FAF1: variants seen among roughly 807,000 people sequenced by gnomAD.
FAF1 encodes Fas associated factor 1, also known as FAS-associated factor 1.
FAF1 carries 25 observed loss-of-function variants against 92.5 expected under a neutral mutation model. That is an observed-to-expected ratio of 0.27 (90% CI 0.20 to 0.38). FAF1 has a LOEUF of 0.38. FAF1 is among the 10% of genes least tolerant of loss of function. The probability of loss-of-function intolerance (pLI) is 1.00; values close to 1 mark genes in which losing one functional copy is unlikely to be tolerated. For missense variants in FAF1, 636 were observed against 793.3 expected (o/e 0.80, Z 2.38); for synonymous variants, 234 against 273.2 (o/e 0.86, Z 1.42).
At chr1:50,580,790 C>T (rs1462131362) in intron 12 of FAF1, among the ~76,000 whole-genome samples, 5 of 151,944 alleles carry the variant, frequency 3.3e-5, no homozygotes, top group African/African-American at 1.2e-4. Context: ...TTTTTCCTTC[C>T]AAGAAAGAAT....
At chr1:50,495,209 T>C (rs1646884582) in intron 15 of FAF1, among the ~76,000 whole-genome samples, 1 of 152,150 alleles carries the variant, frequency 6.6e-6, no homozygotes, top group Non-Finnish European at 1.5e-5. Context: ...TGTTATTCAC[T>C]CTTTCCATAT....
chr1:50,886,997 A>C (rs186853753), intron 1 of FAF1, among the ~76,000 whole-genome samples: 168 of 152,328 alleles, frequency 1.1e-3, no homozygotes, highest in Non-Finnish European at 1.8e-3. Flanking sequence ...TCCCACCAAC[A>C]GTGTAAAAGT....
chr1:50,571,135 A>C (rs767890881), intron 12 of FAF1, among the ~76,000 whole-genome samples: 3 of 152,246 alleles, frequency 2.0e-5, no homozygotes, highest in Non-Finnish European at 2.9e-5. Context: ...GAATGTGCGG[A>C]GGCAAACGTT....
chr1:50,758,102 G>C (rs1660152869), intron 4 of FAF1, among the ~76,000 whole-genome samples: 2 of 152,168 alleles, frequency 1.3e-5, no homozygotes, highest in Non-Finnish European at 2.9e-5. Context: ...ATTTTTAGTA[G>C]AGACGATGTT....
At chr1:50,511,898 T>C (rs1422457165) in intron 15 of FAF1, among the ~76,000 whole-genome samples, 1 of 152,166 alleles carries the variant, frequency 6.6e-6, no homozygotes, top group Non-Finnish European at 1.5e-5. Context: ...ACATCCTCTG[T>C]AGTATCTATT....
At chr1:50,475,410 T>C (rs759547695) in intron 18 of FAF1, 54 bp downstream of exon 18, 16 of 1,400,054 alleles carry the variant, frequency 1.1e-5, no homozygotes, top group Admixed American at 1.1e-4. Flanking sequence ...TCAGCTTTAA[T>C]GATGGCACAT....
chr1:50,835,034 G>A (rs1162435491), intron 2 of FAF1, among the ~76,000 whole-genome samples: 1 of 152,186 alleles, frequency 6.6e-6, no homozygotes, highest in African/African-American at 2.4e-5. Flanking sequence ...AAGCAGTTAT[G>A]ACAGACTAAA....
intron 15 of FAF1, among the ~76,000 whole-genome samples, chr1:50,533,687 A>G (rs1211497368): frequency 6.6e-6 from 1 of 152,234 alleles, no homozygotes; most frequent in Non-Finnish European, 1.5e-5. Flanking sequence ...ATCATTGTTC[A>G]GAAATAAAAC....
chr1:50,576,633 G>GC lies in FAF1; in HGVS notation c.1113+5984dup, dbSNP rs59182122. Among the ~76,000 whole-genome samples, 1,092 of 131,826 alleles carry GC rather than the reference G, an allele frequency of 8.3e-3. 22 individuals are homozygous for GC. The highest frequency in any genetic ancestry group is 0.077 in the East Asian group (303 of 3,928). The allele number at this position is 131,826 out of a possible 152,430, so 86.5% of individuals were successfully genotyped here. On this transcript the variant is annotated intron_variant, in intron 12 of 18. Coordinates refer to ENST00000396153, the MANE Select transcript of FAF1 (RefSeq NM_007051.3). ...GAAAAAAAAGACTCATCTCCGCACC[G>GC]CCCCCCCCCCGCCACCACCCCTGCA...
intron 12 of FAF1, among the ~76,000 whole-genome samples, chr1:50,576,832 CTT>C (rs34718011): frequency 5.5e-4 from 77 of 140,580 alleles, no homozygotes; most frequent in African/African-American, 6.1e-4. Context: ...GTTCGTTTTT[CTT>C]TTTTTTTTTT....
At chr1:50,537,776 G>A (rs1648561784) in intron 14 of FAF1, among the ~76,000 whole-genome samples, 1 of 152,090 alleles carries the variant, frequency 6.6e-6, no homozygotes, top group African/African-American at 2.4e-5. Context: ...ACACTAACCA[G>A]TTACAATATA....
At chr1:50,476,529 T>G in intron 17 of FAF1, among the ~76,000 whole-genome samples, 1 of 152,176 alleles carries the variant, frequency 6.6e-6, no homozygotes, top group South Asian at 2.1e-4. Flanking sequence ...GTTTCACATG[T>G]GACATTCCAT....
At chr1:50,901,732 G>T (rs1476645484) in intron 1 of FAF1, among the ~76,000 whole-genome samples, 1 of 152,000 alleles carries the variant, frequency 6.6e-6, no homozygotes, top group Non-Finnish European at 1.5e-5. Context: ...GGGCATGGTG[G>T]TGCATGCTTG....
At chr1:50,921,924 T>TG (rs766625061) in intron 1 of FAF1, among the ~76,000 whole-genome samples, 2 of 152,012 alleles carry the variant, frequency 1.3e-5, no homozygotes, top group East Asian at 1.9e-4. Context: ...CCCAGCACTT[T>TG]GGGAGGCCAA....
At chr1:50,628,915 C>G (rs1001580863) in intron 8 of FAF1, among the ~76,000 whole-genome samples, 1 of 152,128 alleles carries the variant, frequency 6.6e-6, no homozygotes, top group African/African-American at 2.4e-5. Context: ...TTTGGGGGTT[C>G]AAATCCCACT....
chr1:50,479,357 T>C (rs1310656840), intron 17 of FAF1, among the ~76,000 whole-genome samples: 1 of 152,238 alleles, frequency 6.6e-6, no homozygotes, highest in East Asian at 1.9e-4. Flanking sequence ...ATTATGGTTC[T>C]TTTTGATGGG....
intron 15 of FAF1, among the ~76,000 whole-genome samples, chr1:50,496,217 G>T (rs1164062070): frequency 6.6e-6 from 1 of 152,096 alleles, no homozygotes; most frequent in Non-Finnish European, 1.5e-5. Context: ...ACACTTATTG[G>T]TTTTTCTGAA....
intron 7 of FAF1, among the ~76,000 whole-genome samples, chr1:50,669,783 G>T (rs1022899249): frequency 3.3e-5 from 5 of 152,184 alleles, no homozygotes; most frequent in Non-Finnish European, 5.9e-5. Flanking sequence ...ACCACATATG[G>T]CTACTGAGCA....
chr1:50,505,787 T>C (rs770929567), intron 15 of FAF1, among the ~76,000 whole-genome samples: 3 of 152,190 alleles, frequency 2.0e-5, no homozygotes, highest in Admixed American at 6.5e-5. Flanking sequence ...TAGAAAAACT[T>C]TGCTGACCTT....
Sources: allele counts gnomAD v4.1 joint callset (sites outside exome capture counted in the v4.1 genomes callset), GRCh38; gene constraint gnomAD v4.1.1; transcripts MANE v1.5; gene names NCBI Gene and HGNC (gene_info 2026-07-23, HGNC 2026-07-21).